MAF: variants seen among roughly 807,000 people sequenced by gnomAD.
MAF encodes the protein MAF bZIP transcription factor, also known as transcription factor Maf.
A neutral mutation model predicts 22.0 loss-of-function variants in MAF; 10 were observed. The observed-to-expected ratio is 0.45, with a 90% CI of 0.28 to 0.77. The LOEUF is 0.77. MAF is among the 30% of genes least tolerant of loss of function. MAF has a pLI of 0.12. For synonymous variants in MAF, 337 were observed against 255.8 expected (o/e 1.32, Z -3.03); for missense variants, 544 against 548.4 (o/e 0.99, Z 0.08).
chr16:79,443,564 C>G, the MAF span, among the ~76,000 whole-genome samples: 2 of 152,210 alleles, frequency 1.3e-5, no homozygotes, highest in Non-Finnish European at 2.9e-5. Flanking sequence ...ATTTCAAAAA[C>G]TAAAGAGGGA....
the MAF span, among the ~76,000 whole-genome samples, chr16:79,509,990 G>T: frequency 6.6e-6 from 1 of 152,202 alleles, no homozygotes; most frequent in African/African-American, 2.4e-5. Context: ...GCCGTAGGAA[G>T]CAGGGACTCT....
At chr16:79,216,592 C>G in the MAF span, among the ~76,000 whole-genome samples, 2 of 152,128 alleles carry the variant, frequency 1.3e-5, no homozygotes, top group Non-Finnish European at 2.9e-5. Flanking sequence ...CTTTGTCCAA[C>G]TCTAGGTAAA....
At chr16:79,479,713 A>G in the MAF span, among the ~76,000 whole-genome samples, 1 of 152,240 alleles carries the variant, frequency 6.6e-6, no homozygotes, top group Non-Finnish European at 1.5e-5. Flanking sequence ...TATTTCCCAC[A>G]GGAGAGAAAG....
chr16:79,362,440 T>C, the MAF span, among the ~76,000 whole-genome samples: 1 of 152,194 alleles, frequency 6.6e-6, no homozygotes, highest in African/African-American at 2.4e-5. Flanking sequence ...CTGAGAAGGT[T>C]AAATTGAGAT....
the MAF span, among the ~76,000 whole-genome samples, chr16:79,474,344 C>A: frequency 6.6e-6 from 1 of 152,200 alleles, no homozygotes; most frequent in African/African-American, 2.4e-5. Context: ...CTGCAAAGGG[C>A]AGAAATCATG....
At position 79,595,226 on chromosome 16, in the gene MAF, G is replaced by GTGTGGAT. The variant is rs1256155160; in HGVS notation, c.1119-680_1119-674dup. The stretch of plus-strand genomic sequence containing the variant: ...TAAGACTTTTGTTAAGCAAAATTAA[G>GTGTGGAT]TGTGGATTCAGGAGCCTGTCTAAAC... On this transcript the variant is annotated intron_variant, in intron 1 of 1. Transcript: ENST00000326043. 4 of 1,042,200 alleles carry GTGTGGAT rather than the reference G, an allele frequency of 3.8e-6. No homozygotes were observed. The East Asian group carries it at 1.7e-4, about 44-fold the overall frequency. The allele number at this position is 1,042,200 out of a possible 1,614,324, so 64.6% of individuals were successfully genotyped here.
At chr16:79,328,942 T>A in the MAF span, among the ~76,000 whole-genome samples, 4 of 152,172 alleles carry the variant, frequency 2.6e-5, no homozygotes, top group Middle Eastern at 3.2e-3. Context: ...ATCTGGTACA[T>A]CATTGCATCT....
chr16:79,307,973 C>A, the MAF span, among the ~76,000 whole-genome samples: 2 of 152,216 alleles, frequency 1.3e-5, no homozygotes, highest in African/African-American at 4.8e-5. Flanking sequence ...TTTGCAAAAA[C>A]AGAACTACCT....
At chr16:79,460,660 T>C in the MAF span, among the ~76,000 whole-genome samples, 1 of 152,222 alleles carries the variant, frequency 6.6e-6, no homozygotes, top group Non-Finnish European at 1.5e-5. Flanking sequence ...GAATCTTGAT[T>C]GAAGTTCCTT....
chr16:79,364,091 G>A, the MAF span, among the ~76,000 whole-genome samples: 1 of 152,204 alleles, frequency 6.6e-6, no homozygotes, highest in East Asian at 1.9e-4. Context: ...TGTCAAGACA[G>A]ATAAGGATAG....
At chr16:79,238,483 ATG>A in the MAF span, among the ~76,000 whole-genome samples, 1 of 152,062 alleles carries the variant, frequency 6.6e-6, no homozygotes, top group Admixed American at 6.6e-5. Context: ...CTGGGCTATT[ATG>A]TGACCTTGTG....
At chr16:79,436,570 G>A in the MAF span, among the ~76,000 whole-genome samples, 11 of 152,156 alleles carry the variant, frequency 7.2e-5, no homozygotes, top group African/African-American at 2.7e-4. Context: ...TTACACCAAA[G>A]GGTTATTTAT....
At chr16:79,447,540 A>G in the MAF span, among the ~76,000 whole-genome samples, 2 of 152,172 alleles carry the variant, frequency 1.3e-5, no homozygotes, top group Non-Finnish European at 2.9e-5. Flanking sequence ...ATAAGGCAAT[A>G]GCTGCTATAA....
chr16:79,450,432 T>C, the MAF span, among the ~76,000 whole-genome samples: 2 of 152,226 alleles, frequency 1.3e-5, no homozygotes, highest in Non-Finnish European at 2.9e-5. Context: ...ATTGTTTCCA[T>C]TAAGCTGAAA....
chr16:79,359,822 G>A, the MAF span, among the ~76,000 whole-genome samples: 1 of 152,124 alleles, frequency 6.6e-6, no homozygotes, highest in Admixed American at 6.5e-5. Flanking sequence ...CCAGAAGCTG[G>A]GGACAGTGAT....
the MAF span, among the ~76,000 whole-genome samples, chr16:79,397,787 A>T: frequency 6.6e-6 from 1 of 152,128 alleles, no homozygotes; most frequent in Non-Finnish European, 1.5e-5. Context: ...CCCGGTGAAG[A>T]AAGGCATCCT....
chr16:79,213,678 G>C, the MAF span, among the ~76,000 whole-genome samples: 1 of 151,656 alleles, frequency 6.6e-6, no homozygotes, highest in African/African-American at 2.4e-5. Flanking sequence ...TCCCAGAACC[G>C]GCATCCAGCA....
the MAF span, among the ~76,000 whole-genome samples, chr16:79,508,797 G>A: frequency 1.3e-5 from 2 of 152,190 alleles, no homozygotes; most frequent in Non-Finnish European, 2.9e-5. Context: ...CTATTTATCT[G>A]AAATGTCGAG....
At chr16:79,415,777 CT>C in the MAF span, among the ~76,000 whole-genome samples, 4 of 151,816 alleles carry the variant, frequency 2.6e-5, no homozygotes, top group African/African-American at 9.7e-5. Context: ...TATTGGGTGC[CT>C]TTGGGGCTAG....
Sources: gnomAD v4.1 joint callset for allele counts (sites outside exome capture counted in the v4.1 genomes callset) on GRCh38, gnomAD v4.1.1 for gene constraint, MANE v1.5 for transcripts, NCBI Gene and HGNC (gene_info 2026-07-23, HGNC 2026-07-21) for gene names.